Variants in CACNA1H observed in about 807,000 individuals in gnomAD.
CACNA1H encodes voltage-dependent T-type calcium channel subunit alpha-1H.
CACNA1H carries 149 observed loss-of-function variants against 192.5 expected under a neutral mutation model. That is an observed-to-expected ratio of 0.77 (90% CI 0.68 to 0.89). CACNA1H has a LOEUF of 0.89. CACNA1H is among the 40% of genes least tolerant of loss of function. CACNA1H has a pLI of 0.00. For missense variants in CACNA1H, 4,257 were observed against 3,423.5 expected, an observed-to-expected ratio of 1.24 and a Z score of -6.08; for synonymous variants, 2,202 against 1,475.2, an observed-to-expected ratio of 1.49 and a Z score of -11.29.
intron 18 of CACNA1H, 21 bp downstream of exon 18, chr16:1,210,156 GGCT>G: frequency 1.3e-6 from 2 of 1,536,254 alleles, no homozygotes; most frequent in Admixed American, 2.0e-5. Flanking sequence ...CGGGTCAGGA[GGCT>G]GCATGGCTAG....
chr16:1,208,164 C>G lies in CACNA1H; in HGVS notation c.3306C>G (p.Asp1102Glu), dbSNP rs1968975903. 1 of 1,571,426 alleles carries G rather than the reference C, an allele frequency of 6.4e-7. No homozygotes were observed. Among genetic ancestry groups the G allele is most frequent in the South Asian group, 1.2e-5 (1 of 85,494 alleles). The change falls in exon 16 of 35, where the codon GAC (aspartate) becomes GAG (glutamate). Residue 1102 changes from aspartate (D) to glutamate (E), a missense_variant. Asp to Glu is a conservative substitution (Grantham distance 45). Coordinates refer to ENST00000348261, the MANE Select transcript of CACNA1H (RefSeq NM_021098.3). ...TGGATGCAGCCCCCAGCCTCCCAGA[C>G]TCTCGGCGTGGCAGCAGCAGCTCCG... ...PFLDAAPSLP[D>E]SRRGSSSSGD...
At chr16:1,203,181 G>T (rs548016370) in intron 9 of CACNA1H, among the ~76,000 whole-genome samples, 3 of 152,180 alleles carry the variant, frequency 2.0e-5, no homozygotes, top group Non-Finnish European at 4.4e-5. Flanking sequence ...TCGGGCGCAT[G>T]CTCCTAGCCC....
chr16:1,197,533 A>G (rs1009289781), intron 5 of CACNA1H, among the ~76,000 whole-genome samples: 8 of 152,168 alleles, frequency 5.3e-5, no homozygotes, highest in African/African-American at 1.4e-4. Context: ...ACTGGATAAT[A>G]CGCTTCTCAT....
rs770006636 is a variant in CACNA1H, at chr16:1,211,152, C to A, written c.4224-16C>A. ...CTGCCATAGATGACTGCAGTGTATC[C>A]TTCACTCCCCTCCAGGGTCATCAGC... On this transcript the variant is annotated splice_polypyrimidine_tract_variant and intron_variant, in intron 21 of 34. Coordinates refer to ENST00000348261, the MANE Select transcript of CACNA1H (RefSeq NM_021098.3). 1.2e-6 allele frequency: 2 copies of A among 1,611,750 alleles called. No individual in the cohort carries two copies. Among genetic ancestry groups the A allele is most frequent in the Admixed American group, 1.7e-5 (1 of 59,986 alleles).
At chr16:1,162,670 G>A (rs374417146) in intron 2 of CACNA1H, among the ~76,000 whole-genome samples, 2 of 149,270 alleles carry the variant, frequency 1.3e-5, no homozygotes, top group East Asian at 2.0e-4. Flanking sequence ...AGGAGGAGCC[G>A]AGCGTCTTGG....
In CACNA1H at chr16:1,192,776, G is replaced by A. The variant is rs575075763; in HGVS notation, c.300-2196G>A. Among the ~76,000 whole-genome samples the A allele has an allele frequency of 7.9e-5, 12 of 152,292 alleles. No individual in the cohort carries two copies. The South Asian group carries it at 8.3e-4, about 11-fold the overall frequency. Reference sequence around the variant, plus strand: ...ACATGGGGCAGGCCTGGGAGAAATCGGGCAATGGCTGGAGACATCTGGAGG... The same window carrying A: ...ACATGGGGCAGGCCTGGGAGAAATCAGGCAATGGCTGGAGACATCTGGAGG... On this transcript the variant is annotated intron_variant, in intron 2 of 34. Coordinates refer to ENST00000348261, the MANE Select transcript of CACNA1H (RefSeq NM_021098.3).
Position 1,170,187 on chromosome 16 carries a change from G to A in CACNA1H, c.299+16151G>A, listed in dbSNP as rs578155599. 3.3e-5 allele frequency among the ~76,000 whole-genome samples: 5 copies of A among 152,162 alleles called. No individual in the cohort carries two copies. In the South Asian group the frequency reaches 6.2e-4, roughly 19 times the overall value. On this transcript the variant is annotated intron_variant, in intron 2 of 34. Coordinates refer to ENST00000348261, the MANE Select transcript of CACNA1H (RefSeq NM_021098.3). ...TCTGCACCCTGACCCCAGCCCACCC[G>A]GGTGTGTCCCAACTGCAGGGTTACC...
intron 2 of CACNA1H, among the ~76,000 whole-genome samples, chr16:1,156,451 C>CG (rs1962404618): frequency 6.6e-6 from 1 of 152,118 alleles, no homozygotes; most frequent in South Asian, 2.1e-4. Flanking sequence ...TTGGCTGAGC[C>CG]GGGGAAGCCC....
In CACNA1H at chr16:1,211,501, C is replaced by A; in HGVS notation, c.4371C>A (p.Tyr1457Ter). The A allele has an allele frequency of 1.2e-6, 2 of 1,612,448 alleles. No homozygotes were observed. The highest frequency in any genetic ancestry group is 1.7e-6 in the Non-Finnish European group (2 of 1,179,712). Residue 1457 changes from tyrosine (Y) to a stop codon, truncating the protein, a stop_gained, in exon 23 of 35, where the codon TAC (tyrosine) becomes TAA (stop). Coordinates refer to ENST00000348261, the MANE Select transcript of CACNA1H (RefSeq NM_021098.3). LOFTEE classifies it high-confidence loss of function. ...GTCAGCTCTTCAAAGGGAAGTTCTA[C>A]TACTGCGAGGGCCCCGACACCAGGA... is the stretch of plus-strand genomic sequence containing the variant. The part of the protein sequence containing the change: ...LGVQLFKGKF[Y>*]YCEGPDTRNI...
At chr16:1,212,246 C>A in intron 25 of CACNA1H, 108 bp downstream of exon 25, 1 of 1,427,402 alleles carries the variant, frequency 7.0e-7, no homozygotes, top group Non-Finnish European at 9.3e-7. Flanking sequence ...GCTCTGCACG[C>A]CACCCGCCTT....
chr16:1,195,494 G>T lies in CACNA1H; in HGVS notation c.474G>T (p.Leu158Phe). The T allele has an allele frequency of 6.3e-7, 1 of 1,596,930 alleles. No individual in the cohort carries two copies. Among genetic ancestry groups the T allele is most frequent in the Non-Finnish European group, 8.5e-7 (1 of 1,171,808 alleles). ...AVEMVIKMVA[L>F]GLFGQKCYLG... ...AGATGGTCATCAAGATGGTGGCCTT[G>T]GGGCTGTTCGGGCAGAAGTGTTACC... The change falls in exon 4 of 35, where the codon TTG becomes TTT. Residue 158 changes from leucine to phenylalanine, a missense_variant. By Grantham distance (22) the Leu-to-Phe change is conservative. Transcript: ENST00000348261.
At chr16:1,154,242 T>G (rs1961987077) in intron 2 of CACNA1H, among the ~76,000 whole-genome samples, 1 of 151,566 alleles carries the variant, frequency 6.6e-6, no homozygotes, top group Admixed American at 6.6e-5. Context: ...ACCGGGCGCC[T>G]CCGGACTCCC....
Position 1,200,466 on chromosome 16 carries a change from C to T in CACNA1H, c.1014C>T (p.Ile338=), listed in dbSNP as rs765605443. Reference sequence around the variant, plus strand: ...TGGGCGCTGCACGCAACGCCTGCATCAACTGGAACCAGTACTACAACGTGT... The same window carrying T: ...TGGGCGCTGCACGCAACGCCTGCATTAACTGGAACCAGTACTACAACGTGT... ...EGVGAARNAC[I]NWNQYYNVCR... Residue 338 remains isoleucine, a synonymous_variant, in exon 7 of 35, where the codon ATC becomes ATT. Transcript: ENST00000348261. The T allele has an allele frequency of 9.9e-6, 16 of 1,611,988 alleles. No individual in the cohort carries two copies. The South Asian group carries it at 1.4e-4, about 14-fold the overall frequency.
chr16:1,172,962 C>T (rs2151715962), intron 2 of CACNA1H, among the ~76,000 whole-genome samples: 1 of 152,126 alleles, frequency 6.6e-6, no homozygotes, highest in Middle Eastern at 3.4e-3. Flanking sequence ...ACACCAGGTC[C>T]CTGCAGGTGG....
chr16:1,207,719 G>A (rs1968908215), intron 14 of CACNA1H, 51 bp from the exon 15 acceptor site: 3 of 1,474,288 alleles, frequency 2.0e-6, no homozygotes, highest in African/African-American at 2.8e-5. Context: ...GGCATGAAGG[G>A]TCCCCACTCA....
chr16:1,162,486 T>C (rs1175158263), intron 2 of CACNA1H, among the ~76,000 whole-genome samples: 1 of 152,164 alleles, frequency 6.6e-6, no homozygotes, highest in Non-Finnish European at 1.5e-5. Context: ...GTCAGGCTCC[T>C]CCGATGAGGA....
In CACNA1H at chr16:1,220,417, G is replaced by C. The variant is rs745906833; in HGVS notation, c.6485G>C (p.Ser2162Thr). The C allele has an allele frequency of 6.5e-7, 1 of 1,531,082 alleles. No homozygotes were observed. Among genetic ancestry groups the C allele is most frequent in the South Asian group, 1.3e-5 (1 of 77,394 alleles). 94.8% of individuals were successfully genotyped at this position (1,531,082 alleles called of 1,614,324 possible). Residue 2162 changes from serine (S) to threonine (T), a missense_variant, in exon 35 of 35, where the codon AGC becomes ACC. Transcript: ENST00000348261. ...EQWRPSAELG[S>T]GEPGEAKAWG... is the part of the protein sequence containing the mutation. ...TGGCGGCCCTCGGCGGAGCTGGGCA[G>C]CGGGGAGCCTGGGGAGGCGAAGGCC... is the stretch of plus-strand genomic sequence containing the variant.
At chr16:1,153,665 G>T in intron 1 of CACNA1H, 55 bp from the exon 2 acceptor site, 2 of 1,091,540 alleles carry the variant, frequency 1.8e-6, no homozygotes, top group Non-Finnish European at 1.1e-6. Context: ...CCGCGCCGCG[G>T]GAGGCAGGGC....
At chr16:1,200,866 G>T in intron 8 of CACNA1H, 58 bp downstream of exon 8, 1 of 1,390,006 alleles carries the variant, frequency 7.2e-7, no homozygotes, top group African/African-American at 1.4e-5. Flanking sequence ...GGCTGGGGGT[G>T]GGGTGGGGTA....
Sources: gnomAD v4.1 joint callset for allele counts (sites outside exome capture counted in the v4.1 genomes callset) on GRCh38, gnomAD v4.1.1 for gene constraint, MANE v1.5 for transcripts, NCBI Gene and HGNC (gene_info 2026-07-23, HGNC 2026-07-21) for gene names.